The following CPS1 variants were observed in gnomAD, a reference collection of about 807,000 sequenced individuals.
CPS1 encodes the protein carbamoyl-phosphate synthase 1.
A neutral mutation model predicts 174.6 loss-of-function variants in CPS1; 109 were observed. The ratio of observed to expected loss-of-function variants is 0.62; its 90% CI spans 0.53 to 0.73. The LOEUF is 0.73. Among genes scored for constraint, CPS1 ranks in the 30% least tolerant of loss-of-function variants. The probability of loss-of-function intolerance (pLI) is 0.00; values close to 1 mark genes in which losing one functional copy is unlikely to be tolerated. For synonymous variants in CPS1, 637 were observed against 632.0 expected (o/e 1.01, Z -0.12); for missense variants, 1,689 against 1,821.9 (o/e 0.93, Z 1.33).
upstream of CPS1, among the ~76,000 whole-genome samples, chr2:210,554,160 C>CATATATATGTATGTATAT (rs1345765255): frequency 1.7e-5 from 2 of 118,482 alleles, no homozygotes; most frequent in African/African-American, 3.0e-5. Flanking sequence ...TATACACACA[C>CATATATATGTATGTATAT]ATATACATAT....
chr2:210,561,920 T>G (rs1213326139), intron 1 of CPS1, among the ~76,000 whole-genome samples: 1 of 152,208 alleles, frequency 6.6e-6, no homozygotes, highest in Non-Finnish European at 1.5e-5. Context: ...CATAAATGAA[T>G]CAATAGGGTT....
intron 34 of CPS1, chr2:210,673,563 G>A (rs957819499): frequency 3.3e-5 from 5 of 152,142 alleles, no homozygotes; most frequent in Non-Finnish European, 2.9e-5. Flanking sequence ...TAAATGAGGG[G>A]GCAGTCAGTT....
intron 21 of CPS1, among the ~76,000 whole-genome samples, chr2:210,629,461 CCTG>C (rs1266964390): frequency 2.6e-5 from 4 of 151,910 alleles, no homozygotes; most frequent in African/African-American, 9.7e-5. Context: ...ACTACAGGCG[CCTG>C]CCACCACGCC....
At position 210,570,597 on chromosome 2, in the gene CPS1, A is replaced by G. The variant is rs193230842; in HGVS notation, c.127-2701A>G. Among the ~76,000 whole-genome samples the G allele has an allele frequency of 2.1e-3, 317 of 152,112 alleles. 2 individuals are homozygous for G. Among genetic ancestry groups the G allele is most frequent in the African/African-American group, 7.5e-3 (313 of 41,544 alleles). ...GTAGCACAGATAAACTGATATGTAG[A>G]AAACTATTGAAATTTACAGTCTACA... On this transcript the variant is annotated intron_variant, in intron 1 of 37. Transcript: ENST00000233072.
At chr2:210,488,536 C>T (rs1014798957) in intron 1 of CPS1, among the ~76,000 whole-genome samples, 5 of 152,154 alleles carry the variant, frequency 3.3e-5, no homozygotes, top group Admixed American at 6.5e-5. Flanking sequence ...TAACATGCTG[C>T]CTGTTTCCTC....
intron 13 of CPS1, among the ~76,000 whole-genome samples, chr2:210,596,721 AT>A (rs1698494230): frequency 1.3e-5 from 2 of 151,976 alleles, no homozygotes; most frequent in Non-Finnish European, 2.9e-5. Flanking sequence ...TTAGTACACA[AT>A]CTAAGTGTGT....
chr2:210,656,582 G>C lies in CPS1; in HGVS notation c.3616G>C (p.Ala1206Pro). ...VEDAGVHSGD[A>P]TLMLPTQTIS... Reference sequence around the variant, plus strand: ...AGATGCAGGTGTCCACTCGGGAGATGCCACTCTGATGCTGCCCACACAAAC... The same window carrying C: ...AGATGCAGGTGTCCACTCGGGAGATCCCACTCTGATGCTGCCCACACAAAC... The change falls in exon 30 of 38, where the codon GCC (alanine) becomes CCC (proline). Residue 1206 changes from alanine (A) to proline (P), a missense_variant. Coordinates refer to ENST00000233072, the MANE Select transcript of CPS1 (RefSeq NM_001875.5). 1 of 1,611,022 alleles carries C rather than the reference G, an allele frequency of 6.2e-7. No individual in the cohort carries two copies.
In CPS1 at chr2:210,518,680, G is replaced by C. The variant is rs1345389430; in HGVS notation, c.4-38039G>C. 5.3e-5 allele frequency among the ~76,000 whole-genome samples: 8 copies of C among 152,122 alleles called. No individual in the cohort carries two copies. The East Asian group carries it at 1.4e-3, about 26-fold the overall frequency. On this transcript the variant is annotated intron_variant, in intron 1 of 38. Coordinates refer to the CPS1 transcript ENST00000430249. The stretch of plus-strand genomic sequence containing the variant: ...CCAACTGCTGTATTTAACAGATGTG[G>C]GAGAGAACTAAGTTTCTAACTTATT...
At chr2:210,635,672 G>A (rs542160485) in intron 21 of CPS1, among the ~76,000 whole-genome samples, 3 of 152,284 alleles carry the variant, frequency 2.0e-5, no homozygotes, top group South Asian at 2.1e-4. Context: ...TACTAAGTCA[G>A]CAATAATACT....
intron 21 of CPS1, among the ~76,000 whole-genome samples, chr2:210,630,060 G>A (rs547803807): frequency 3.4e-5 from 5 of 145,614 alleles, no homozygotes; most frequent in African/African-American, 1.0e-4. Flanking sequence ...GAGAGAGAGC[G>A]AGACTATGTC....
intron 21 of CPS1, among the ~76,000 whole-genome samples, chr2:210,634,134 AC>A (rs1463906266): frequency 2.6e-5 from 4 of 152,194 alleles, no homozygotes; most frequent in Non-Finnish European, 4.4e-5. Context: ...AACAACAATA[AC>A]AAAAAAAAAT....
At chr2:210,512,793 G>T (rs1481828962) in intron 1 of CPS1, among the ~76,000 whole-genome samples, 1 of 118,818 alleles carries the variant, frequency 8.4e-6, no homozygotes, top group Non-Finnish European at 1.7e-5. Context: ...TATGGAGAGA[G>T]AGATATATAT....
At chr2:210,650,501 C>T (rs1700527915) in intron 28 of CPS1, 63 bp downstream of exon 28, 1 of 1,164,512 alleles carries the variant, frequency 8.6e-7, no homozygotes, top group Non-Finnish European at 1.3e-6. Context: ...ACATTTATCT[C>T]TTAATAAAAT....
At chr2:210,657,639 G>A (rs1463856621) in intron 30 of CPS1, 1 of 152,146 alleles carries the variant, frequency 6.6e-6, no homozygotes, top group Non-Finnish European at 1.5e-5. Flanking sequence ...CTTTGAGGAG[G>A]TCCCATTAGT....
intron 1 of CPS1, among the ~76,000 whole-genome samples, chr2:210,495,794 TTC>T (rs1694978129): frequency 1.3e-5 from 2 of 152,172 alleles, no homozygotes; most frequent in African/African-American, 4.8e-5. Context: ...GCTTTGCCAT[TTC>T]TCTCTTATTT....
At chr2:210,531,861 A>G (rs915124141) in intron 1 of CPS1, among the ~76,000 whole-genome samples, 11 of 152,142 alleles carry the variant, frequency 7.2e-5, no homozygotes, top group African/African-American at 2.7e-4. Flanking sequence ...AGACTGCATT[A>G]TTCTTGTGAG....
chr2:210,553,989 T>C (rs1472291875), upstream of CPS1, among the ~76,000 whole-genome samples: 1 of 151,290 alleles, frequency 6.6e-6, no homozygotes, highest in African/African-American at 2.4e-5. Context: ...TAATTCAGAA[T>C]ATTTAATCAA....
rs1262345881 is a variant in CPS1, at chr2:210,592,909, G to A, written c.1117G>A (p.Ala373Thr). The A allele has an allele frequency of 1.1e-5, 18 of 1,612,084 alleles. 1 individual carries two copies. Among genetic ancestry groups the A allele is most frequent in the South Asian group, 5.5e-5 (5 of 91,026 alleles). ...GIMHESKPFF[A>T]VQFHPEVTPG... is the part of the protein sequence containing the mutation. ...TATGCATGAGAGCAAACCCTTCTTC[G>A]CTGTGCAGTTCCACCCAGAGGTCAC... Residue 373 changes from alanine (A) to threonine (T), a missense_variant, in exon 11 of 38, where the codon GCT (alanine) becomes ACT (threonine). By Grantham distance (58) the Ala-to-Thr change is moderately conservative. Coordinates refer to ENST00000233072, the MANE Select transcript of CPS1 (RefSeq NM_001875.5).
At chr2:210,677,205 C>A in intron 37 of CPS1, 69 bp downstream of exon 37, 2 of 1,415,008 alleles carry the variant, frequency 1.4e-6, no homozygotes, top group Non-Finnish European at 2.0e-6. Context: ...AGAGTGTAAT[C>A]AGTAGATGCA....
Sources: allele counts gnomAD v4.1 joint callset (sites outside exome capture counted in the v4.1 genomes callset), GRCh38; gene constraint gnomAD v4.1.1; transcripts MANE v1.5; gene names NCBI Gene and HGNC (gene_info 2026-07-23, HGNC 2026-07-21).